Variants in VWF observed in about 807,000 individuals in gnomAD.
VWF encodes the protein von Willebrand factor, also known as Factor VIII related antigen.
In VWF, 176 loss-of-function variants were observed where a neutral mutation model predicts 308.6. The observed-to-expected ratio is 0.57, with a 90% CI of 0.50 to 0.65. The LOEUF is 0.65. Ranked by LOEUF, VWF falls within the 30% of genes least tolerant of loss-of-function variation. VWF has a pLI of 0.00. For missense variants in VWF, 3,146 were observed against 3,648.2 expected, an observed-to-expected ratio of 0.86 and a Z score of 3.55; for synonymous variants, 1,385 against 1,443.4, an observed-to-expected ratio of 0.96 and a Z score of 0.92.
intron 6 of VWF, among the ~76,000 whole-genome samples, chr12:6,078,143 A>G (rs555266187): frequency 6.4e-4 from 97 of 152,278 alleles, no homozygotes; most frequent in African/African-American, 2.2e-3. Context: ...AGCAGGACAG[A>G]AGGACACCTT....
intron 31 of VWF, among the ~76,000 whole-genome samples, chr12:6,013,949 T>C (rs1305662481): frequency 1.3e-5 from 2 of 151,920 alleles, no homozygotes; most frequent in East Asian, 3.8e-4. Flanking sequence ...ATTTCAGATG[T>C]GGATAAATGC....
At position 6,110,846 on chromosome 12, in the gene VWF, C is replaced by G. The variant is rs772398995; in HGVS notation, c.323+20G>C. ...AGGGGATCCCTAGGGTCCTTTCTAA[C>G]TCAGACATTGTTGGCTTACCTTTGG... On this transcript the variant is annotated intron_variant, in intron 4 of 51. Transcript: ENST00000261405. The G allele has an allele frequency of 1.2e-6, 2 of 1,612,088 alleles. No individual in the cohort carries two copies. The highest frequency in any genetic ancestry group is 8.5e-7 in the Non-Finnish European group (1 of 1,178,170).
At chr12:6,072,261 C>G in intron 9 of VWF, 70 bp downstream of exon 9, 1 of 1,469,166 alleles carries the variant, frequency 6.8e-7, no homozygotes. Context: ...GCCACCACCC[C>G]TGCTGACCCA....
intron 15 of VWF, 44 bp downstream of exon 15, chr12:6,056,813 T>G: frequency 6.8e-6 from 9 of 1,332,652 alleles, no homozygotes; most frequent in East Asian, 3.1e-5. Flanking sequence ...CGTGGACGGA[T>G]TTGGGGGGCG....
At chr12:6,022,614 A>G (rs570696070) in intron 26 of VWF, 126 bp downstream of exon 26, 7,843 of 240,800 alleles carry the variant, frequency 0.033, 784 homozygotes, top group African/African-American at 0.2. Context: ...CGGAACCTGC[A>G]GCAGCCTTGC....
chr12:6,077,543 T>C (rs563975770), intron 6 of VWF, among the ~76,000 whole-genome samples: 77 of 152,326 alleles, frequency 5.1e-4, no homozygotes, highest in Non-Finnish European at 9.1e-4. Flanking sequence ...GCTCTGCCAC[T>C]TACTGGCGGT....
At chr12:6,027,936 C>A (rs11608525) in intron 22 of VWF, among the ~76,000 whole-genome samples, 1 of 151,842 alleles carries the variant, frequency 6.6e-6, no homozygotes, top group African/African-American at 2.4e-5. Flanking sequence ...CCTAGGACCA[C>A]GTTTGACACA....
intron 19 of VWF, among the ~76,000 whole-genome samples, chr12:6,035,617 C>T (rs1944327284): frequency 1.3e-5 from 2 of 152,156 alleles, no homozygotes; most frequent in Non-Finnish European, 2.9e-5. Context: ...ACCAGCCACC[C>T]TCACCTCAAA....
intron 47 of VWF, among the ~76,000 whole-genome samples, chr12:5,957,872 T>C (rs1943268103): frequency 1.3e-5 from 2 of 152,188 alleles, no homozygotes; most frequent in Admixed American, 6.5e-5. Flanking sequence ...TTAAATTCCA[T>C]ATAAGACAAA....
intron 5 of VWF, among the ~76,000 whole-genome samples, chr12:6,107,667 TA>T (rs1240601030): frequency 2.6e-5 from 4 of 151,074 alleles, no homozygotes; most frequent in African/African-American, 9.8e-5. Context: ...TATATATATA[TA>T]TATTTTTTGA....
intron 13 of VWF, among the ~76,000 whole-genome samples, chr12:6,061,547 G>A (rs897470092): frequency 2.0e-5 from 3 of 151,572 alleles, no homozygotes; most frequent in African/African-American, 2.4e-5. Context: ...ATAGCCACAC[G>A]AGGATGGAGG....
intron 37 of VWF, among the ~76,000 whole-genome samples, chr12:5,993,250 G>A (rs143562562): frequency 5.3e-5 from 8 of 152,326 alleles, no homozygotes; most frequent in Admixed American, 5.2e-4. Context: ...CTGAGGGACA[G>A]GAGCCATATC....
chr12:6,103,921 C>A (rs1291231211), intron 5 of VWF, among the ~76,000 whole-genome samples: 1 of 152,154 alleles, frequency 6.6e-6, no homozygotes, highest in Non-Finnish European at 1.5e-5. Flanking sequence ...ATAAATGAGA[C>A]TTCATTAAAC....
At chr12:6,096,180 G>A (rs529189930) in intron 5 of VWF, among the ~76,000 whole-genome samples, 23 of 152,186 alleles carry the variant, frequency 1.5e-4, no homozygotes, top group Non-Finnish European at 3.1e-4. Flanking sequence ...CGATGAGGGA[G>A]ATGAGGTGAA....
chr12:5,953,728 A>G (rs57040304), intron 47 of VWF, 134 bp from the exon 48 acceptor site: 55,057 of 730,434 alleles, frequency 0.075, 2,805 homozygotes, highest in African/African-American at 0.18. Context: ...TCAACATCCA[A>G]CTCCAACCAG....
chr12:6,046,618 G>A lies in VWF; in HGVS notation c.2281+105C>T, dbSNP rs1944448778. 1.0e-5 allele frequency: 12 copies of A among 1,145,452 alleles called. No homozygotes were observed. The South Asian group carries it at 1.1e-4, about 11-fold the overall frequency. 71.0% of individuals were successfully genotyped at this position (1,145,452 alleles called of 1,614,324 possible). A position where few individuals can be genotyped will look rare whatever the true frequency, so the allele number is the denominator to read the frequency against. The stretch of plus-strand genomic sequence containing the variant: ...GGCGAAGCCAGACCCATGCCTGGGT[G>A]CACACGCACATCTGACGGTGTCACC... On this transcript the variant is annotated intron_variant, in intron 17 of 51. Coordinates refer to ENST00000261405, the MANE Select transcript of VWF (RefSeq NM_000552.5). The surrounding 1 kb of genome is among the most constrained non-coding windows in gnomAD (Gnocchi z 5.0).
intron 6 of VWF, among the ~76,000 whole-genome samples, chr12:6,078,294 C>G (rs1284170755): frequency 6.6e-6 from 1 of 152,212 alleles, no homozygotes; most frequent in Non-Finnish European, 1.5e-5. Flanking sequence ...GAAGTTCACA[C>G]TTCTCCAGAA....
intron 13 of VWF, 35 bp downstream of exon 13, chr12:6,062,919 G>T (rs763699035): frequency 6.4e-7 from 1 of 1,567,330 alleles, no homozygotes; most frequent in Non-Finnish European, 8.7e-7. Context: ...TAAGGGTCGG[G>T]CCGCAGGGAG....
intron 47 of VWF, among the ~76,000 whole-genome samples, chr12:5,955,219 A>T (rs1441901641): frequency 1.3e-5 from 2 of 151,468 alleles, no homozygotes; most frequent in Non-Finnish European, 2.9e-5. Context: ...GCAGGCAGGA[A>T]TTTTTTTTTT....
Sources: allele counts gnomAD v4.1 joint callset (sites outside exome capture counted in the v4.1 genomes callset), GRCh38; gene constraint gnomAD v4.1.1; non-coding constraint Gnocchi (gnomAD v3.1); transcripts MANE v1.5; gene names NCBI Gene and HGNC (gene_info 2026-07-23, HGNC 2026-07-21).